The following SPMIP4 variants were observed in gnomAD, a reference collection of about 807,000 sequenced individuals.
SPMIP4 encodes sperm-associated microtubule inner protein 4.
At chr7:25,134,013 G>C in the SPMIP4 span, among the ~76,000 whole-genome samples, 1 of 152,136 alleles carries the variant, frequency 6.6e-6, no homozygotes, top group Admixed American at 6.5e-5. Context: ...TGTAATCCCA[G>C]CACTTTGGGA....
the SPMIP4 span, among the ~76,000 whole-genome samples, chr7:25,163,228 T>C: frequency 6.6e-6 from 1 of 152,234 alleles, no homozygotes; most frequent in South Asian, 2.1e-4. This position sits in a 1 kb window ranked among gnomAD's most constrained non-coding sequence, Gnocchi z 4.4. Context: ...TTAAAAACAA[T>C]GTACCCATTG....
the SPMIP4 span, among the ~76,000 whole-genome samples, chr7:25,168,730 G>T: frequency 1.9e-4 from 26 of 138,778 alleles, no homozygotes; most frequent in Non-Finnish European, 3.1e-5. Flanking sequence ...TTTCATTTTC[G>T]TTTTTTTTTT....
chr7:25,154,917 A>T, the SPMIP4 span: 3 of 1,188,032 alleles, frequency 2.5e-6, no homozygotes, highest in Non-Finnish European at 3.6e-6. Context: ...CACATTTGTG[A>T]CTTGAGTCCT....
At chr7:25,169,961 T>G in the SPMIP4 span, among the ~76,000 whole-genome samples, 1 of 152,254 alleles carries the variant, frequency 6.6e-6, no homozygotes, top group Non-Finnish European at 1.5e-5. Context: ...GATGGACATT[T>G]GGGTTATTTT....
the SPMIP4 span, chr7:25,179,136 C>T: frequency 3.8e-6 from 6 of 1,568,528 alleles, no homozygotes; most frequent in Non-Finnish European, 4.3e-6. Flanking sequence ...TACATTAAAA[C>T]TGCTTTTTCT....
the SPMIP4 span, among the ~76,000 whole-genome samples, chr7:25,162,807 T>C: frequency 5.9e-3 from 894 of 152,294 alleles, 12 homozygotes; most frequent in African/African-American, 0.02. Flanking sequence ...AGTCTTGCTC[T>C]GTTACCCAGG....
chr7:25,136,842 C>T, the SPMIP4 span: 7 of 1,562,344 alleles, frequency 4.5e-6, no homozygotes, highest in Admixed American at 9.1e-5. This position sits in a 1 kb window ranked among gnomAD's most constrained non-coding sequence, Gnocchi z 5.7. Context: ...GGGATATTGC[C>T]ACAAATGGTA....
the SPMIP4 span, among the ~76,000 whole-genome samples, chr7:25,144,365 G>C: frequency 6.6e-6 from 1 of 152,222 alleles, no homozygotes; most frequent in South Asian, 2.1e-4. Flanking sequence ...GGACAGGGTG[G>C]TTCAGGGAGA....
chr7:25,136,741 AT>A, the SPMIP4 span: 53 of 1,614,016 alleles, frequency 3.3e-5, no homozygotes, highest in Non-Finnish European at 4.5e-5. The surrounding 1 kb of genome is among the most constrained non-coding windows in gnomAD (Gnocchi z 5.7). Context: ...TAATCGGGCA[AT>A]TCGTCCTTCC....
chr7:25,162,307 T>TA, the SPMIP4 span, among the ~76,000 whole-genome samples: 6 of 144,748 alleles, frequency 4.1e-5, no homozygotes, highest in East Asian at 2.0e-4. Context: ...AAATAAAAAA[T>TA]AAAAAAACTA....
chr7:25,155,579 G>A, the SPMIP4 span, among the ~76,000 whole-genome samples: 1 of 152,184 alleles, frequency 6.6e-6, no homozygotes, highest in African/African-American at 2.4e-5. Flanking sequence ...CCCAGGAATT[G>A]TTTTGGGCAT....
At chr7:25,177,255 G>C in the SPMIP4 span, among the ~76,000 whole-genome samples, 2 of 152,174 alleles carry the variant, frequency 1.3e-5, no homozygotes, top group Middle Eastern at 3.2e-3. Flanking sequence ...GGCTGAGGCG[G>C]ATGGATCACG....
chr7:25,141,534 C>T, the SPMIP4 span, among the ~76,000 whole-genome samples: 9 of 137,598 alleles, frequency 6.5e-5, no homozygotes, highest in East Asian at 6.7e-4. Context: ...ATCGTGCCAC[C>T]GTACTCCAGC....
the SPMIP4 span, among the ~76,000 whole-genome samples, chr7:25,160,434 G>T: frequency 1.3e-5 from 2 of 152,066 alleles, no homozygotes; most frequent in African/African-American, 4.8e-5. Flanking sequence ...TAGTAGCTGG[G>T]ATTACAGCCG....
At chr7:25,158,143 G>A in the SPMIP4 span, among the ~76,000 whole-genome samples, 5,481 of 152,028 alleles carry the variant, frequency 0.036, 161 homozygotes, top group African/African-American at 0.078. Context: ...CGAGGTGGGC[G>A]GATCACTTGA....
At chr7:25,145,554 G>A in the SPMIP4 span, among the ~76,000 whole-genome samples, 2 of 152,246 alleles carry the variant, frequency 1.3e-5, no homozygotes, top group African/African-American at 2.4e-5. Context: ...TCATTGGCTC[G>A]ATACACTAAA....
At chr7:25,158,269 A>G in the SPMIP4 span, among the ~76,000 whole-genome samples, 6 of 150,090 alleles carry the variant, frequency 4.0e-5, no homozygotes, top group Non-Finnish European at 8.9e-5. Context: ...TTGGGAGGTG[A>G]AGGTGGAAGG....
chr7:25,148,625 C>T, the SPMIP4 span, among the ~76,000 whole-genome samples: 1 of 151,882 alleles, frequency 6.6e-6, no homozygotes, highest in South Asian at 2.1e-4. Context: ...CAGGCATGCC[C>T]CACCATGCCC....
At chr7:25,142,569 A>G in the SPMIP4 span, 1 of 1,316,656 alleles carries the variant, frequency 7.6e-7, no homozygotes, top group Non-Finnish European at 1.1e-6. Context: ...AGAAGTTGAA[A>G]GCTTGTCATA....
Sources: gnomAD v4.1 joint callset for allele counts (sites outside exome capture counted in the v4.1 genomes callset) on GRCh38, gnomAD v4.1.1 for gene constraint, Gnocchi (gnomAD v3.1) non-coding constraint, MANE v1.5 for transcripts, NCBI Gene and HGNC (gene_info 2026-07-23, HGNC 2026-07-21) for gene names.